The following HS6ST2 variants were observed in gnomAD, a reference collection of about 807,000 sequenced individuals.
HS6ST2 encodes the protein heparan-sulfate 6-O-sulfotransferase 2.
A neutral mutation model predicts 33.0 loss-of-function variants in HS6ST2; 17 were observed. The observed-to-expected ratio is 0.52, with a 90% CI of 0.35 to 0.77. HS6ST2 has a LOEUF of 0.77. HS6ST2 is among the 30% of genes least tolerant of loss of function. The pLI, the probability that HS6ST2 is intolerant of heterozygous loss-of-function variation, is 0.01. For missense variants in HS6ST2, 519 were observed against 551.7 expected, an observed-to-expected ratio of 0.94 and a Z score of 0.59; for synonymous variants, 248 against 237.1, an observed-to-expected ratio of 1.05 and a Z score of -0.42.
intron 2 of HS6ST2, 151 bp downstream of exon 2, chrX:132,956,657 G>T: frequency 1.7e-6 from 1 of 592,768 alleles, no homozygotes; most frequent in Non-Finnish European, 2.4e-6. Context: ...CGCGGCGAAC[G>T]TGCGCTACTG....
intron 2 of HS6ST2, among the ~76,000 whole-genome samples, chrX:132,766,962 G>C (rs1396547801): frequency 1.8e-5 from 2 of 111,947 alleles, no homozygotes; most frequent in Non-Finnish European, 3.8e-5. Context: ...AACTTGCCCA[G>C]TGTCACACAG....
intron 2 of HS6ST2, among the ~76,000 whole-genome samples, chrX:132,731,218 T>A (rs889996295): frequency 8.9e-6 from 1 of 112,088 alleles, no homozygotes; most frequent in Non-Finnish European, 1.9e-5. Context: ...TGCATGCATG[T>A]GTGTATGTCA....
At chrX:132,704,911 A>G (rs1026973300) in intron 3 of HS6ST2, among the ~76,000 whole-genome samples, 2 of 111,968 alleles carry the variant, frequency 1.8e-5, no homozygotes, top group Non-Finnish European at 3.8e-5. Flanking sequence ...AAGGATGACA[A>G]AAGCCAGACT....
Position 132,629,195 on chromosome X carries a change from G to A in HS6ST2, c.1068-102C>T. The stretch of plus-strand genomic sequence containing the variant: ...TGGTGTTCACTGGCTAAAAAGGAAG[G>A]CAAAGCAAAAATGACAGGGATCTGA... On this transcript the variant is annotated intron_variant, in intron 4 of 4. Transcript: ENST00000370833. 1.3e-5 allele frequency: 12 copies of A among 917,281 alleles called. No individual in the cohort carries two copies. The Admixed American group carries it at 2.0e-4, about 15-fold the overall frequency. The allele number at this position is 917,281 out of a possible 1,213,427, so 75.6% of individuals were successfully genotyped here.
At chrX:132,869,894 A>T (rs764005798) in intron 2 of HS6ST2, among the ~76,000 whole-genome samples, 10 of 111,713 alleles carry the variant, frequency 9.0e-5, no homozygotes, top group African/African-American at 3.2e-4. Flanking sequence ...TCTATTCAAC[A>T]TAGTATTGGA....
chrX:132,868,280 A>G (rs1443596103), intron 2 of HS6ST2, among the ~76,000 whole-genome samples: 1 of 112,233 alleles, frequency 8.9e-6, no homozygotes, highest in Non-Finnish European at 1.9e-5. Context: ...CCAGATTCAT[A>G]TAGCAAGTTC....
At chrX:132,795,288 T>A (rs2065165594) in intron 2 of HS6ST2, among the ~76,000 whole-genome samples, 1 of 111,910 alleles carries the variant, frequency 8.9e-6, no homozygotes, top group South Asian at 3.8e-4. Flanking sequence ...CTGGCTTCTA[T>A]CAAATGAGTG....
intron 2 of HS6ST2, among the ~76,000 whole-genome samples, chrX:132,751,250 TGGGGC>T (rs1213843086): frequency 4.2e-5 from 4 of 95,461 alleles, no homozygotes; most frequent in Non-Finnish European, 8.4e-5. Context: ...TCTCCTGAGG[TGGGGC>T]GGGGCGGGGG....
intron 4 of HS6ST2, among the ~76,000 whole-genome samples, chrX:132,659,768 A>C (rs1404588451): frequency 8.9e-6 from 1 of 111,837 alleles, no homozygotes; most frequent in Non-Finnish European, 1.9e-5. Flanking sequence ...CAATGTCTTG[A>C]GATTCCTCCT....
At chrX:132,815,656 T>G (rs1388099621) in intron 2 of HS6ST2, among the ~76,000 whole-genome samples, 1 of 111,981 alleles carries the variant, frequency 8.9e-6, no homozygotes, top group Non-Finnish European at 1.9e-5. Context: ...TCCTCATATG[T>G]GAAATGAGAA....
intron 4 of HS6ST2, among the ~76,000 whole-genome samples, chrX:132,655,679 C>T (rs781276018): frequency 7.2e-5 from 8 of 110,636 alleles, no homozygotes; most frequent in Non-Finnish European, 1.1e-4. Flanking sequence ...ACCAGTATAA[C>T]GAAGGGGATG....
intron 4 of HS6ST2, among the ~76,000 whole-genome samples, chrX:132,656,975 T>C (rs2063734753): frequency 9.0e-6 from 1 of 111,646 alleles, no homozygotes; most frequent in Non-Finnish European, 1.9e-5. Context: ...TCAGGCTCAA[T>C]GGCCTGGGTG....
intron 2 of HS6ST2, among the ~76,000 whole-genome samples, chrX:132,823,982 CA>C (rs2065491117): frequency 1.8e-5 from 2 of 110,039 alleles, no homozygotes; most frequent in Admixed American, 9.8e-5. Flanking sequence ...ATATATACCA[CA>C]TTTTCTTTAT....
At chrX:132,826,412 C>G (rs2065520580) in intron 2 of HS6ST2, among the ~76,000 whole-genome samples, 1 of 111,275 alleles carries the variant, frequency 9.0e-6, no homozygotes, top group Non-Finnish European at 1.9e-5. Flanking sequence ...GTATAAATTA[C>G]ACACCAGATT....
intron 2 of HS6ST2, among the ~76,000 whole-genome samples, chrX:132,740,085 A>G (rs1477570722): frequency 8.9e-6 from 1 of 112,002 alleles, no homozygotes; most frequent in African/African-American, 3.2e-5. Flanking sequence ...CATGTTCTCC[A>G]TAAAGGCTGA....
At chrX:132,829,368 A>G (rs1028601416) in intron 2 of HS6ST2, among the ~76,000 whole-genome samples, 17 of 107,941 alleles carry the variant, frequency 1.6e-4, no homozygotes, top group African/African-American at 5.7e-4. Flanking sequence ...CTGCTCAGAT[A>G]GATCAATCTA....
At chrX:132,793,352 GC>G (rs1443619382) in intron 2 of HS6ST2, among the ~76,000 whole-genome samples, 1 of 110,313 alleles carries the variant, frequency 9.1e-6, no homozygotes, top group Non-Finnish European at 1.9e-5. Context: ...GAGCCACTGC[GC>G]CCAGCCCAAA....
At chrX:132,778,182 C>G (rs1239919547) in intron 2 of HS6ST2, among the ~76,000 whole-genome samples, 1 of 111,587 alleles carries the variant, frequency 9.0e-6, no homozygotes, top group Non-Finnish European at 1.9e-5. Context: ...TAAAGGCAAT[C>G]ACAACCAAAT....
At chrX:132,955,908 C>T (rs974424395) in intron 2 of HS6ST2, among the ~76,000 whole-genome samples, 1 of 112,769 alleles carries the variant, frequency 8.9e-6, no homozygotes, top group Non-Finnish European at 1.9e-5. Context: ...GGCAGCGCCC[C>T]ATGCTGGGGC....
Sources: allele counts gnomAD v4.1 joint callset (sites outside exome capture counted in the v4.1 genomes callset), GRCh38; gene constraint gnomAD v4.1.1; transcripts MANE v1.5; gene names NCBI Gene and HGNC (gene_info 2026-07-23, HGNC 2026-07-21).